Variants in AHCYL2 observed in about 807,000 individuals in gnomAD.
AHCYL2 encodes the protein S-adenosylhomocysteine hydrolase-like protein 2.
A neutral mutation model predicts 81.4 loss-of-function variants in AHCYL2; 28 were observed. The ratio of observed to expected loss-of-function variants is 0.34; its 90% CI spans 0.25 to 0.47. The LOEUF (loss-of-function observed/expected upper bound fraction) is 0.47, where lower values mean the gene tolerates loss of function less well. AHCYL2 is among the 20% of genes least tolerant of loss of function. AHCYL2 has a pLI of 1.00. For missense variants in AHCYL2, 551 were observed against 785.1 expected (o/e 0.70, Z 3.56); for synonymous variants, 272 against 290.2 (o/e 0.94, Z 0.64).
rs557440091 is a variant in AHCYL2 at position 129,231,251 on chromosome 7, A to G, written c.363+5812A>G. On this transcript the variant is annotated intron_variant, in intron 1 of 16. Transcript: ENST00000325006. ...GAGACTCTGTCTCAAAAAAAAGAAA[A>G]AAAAAAGCTGCTTTAGGAGCTGAAG... 1.9e-4 allele frequency among the ~76,000 whole-genome samples: 29 copies of G among 152,226 alleles called. 1 individual carries two copies. The South Asian group carries it at 4.6e-3, about 24-fold the overall frequency.
intron 1 of AHCYL2, among the ~76,000 whole-genome samples, chr7:129,305,289 G>A (rs760638141): frequency 3.9e-5 from 6 of 151,998 alleles, no homozygotes; most frequent in Non-Finnish European, 5.9e-5. Context: ...GTGAAACCCC[G>A]TCTCTACTAA....
intron 1 of AHCYL2, among the ~76,000 whole-genome samples, chr7:129,259,212 T>G (rs1795533630): frequency 6.6e-6 from 1 of 152,170 alleles, no homozygotes; most frequent in Non-Finnish European, 1.5e-5. Flanking sequence ...TTGAGAGATG[T>G]GGTGTGTACC....
chr7:129,408,046 G>A (rs1035388261), intron 10 of AHCYL2, among the ~76,000 whole-genome samples: 1 of 152,148 alleles, frequency 6.6e-6, no homozygotes, highest in Non-Finnish European at 1.5e-5. Context: ...TACATTTGGG[G>A]GAGTGGTACT....
intron 1 of AHCYL2, among the ~76,000 whole-genome samples, chr7:129,290,878 C>T (rs1213211679): frequency 1.4e-5 from 2 of 147,880 alleles, no homozygotes; most frequent in Non-Finnish European, 1.5e-5. Context: ...TGCAGTGAGC[C>T]GAGATCACGC....
At chr7:129,341,426 G>A (rs1222924132) in intron 1 of AHCYL2, among the ~76,000 whole-genome samples, 1 of 152,182 alleles carries the variant, frequency 6.6e-6, no homozygotes, top group Non-Finnish European at 1.5e-5. Context: ...AAGGGTAGAG[G>A]AAAGGTGGAT....
intron 1 of AHCYL2, among the ~76,000 whole-genome samples, chr7:129,278,225 A>G (rs1164619759): frequency 1.3e-5 from 2 of 151,932 alleles, no homozygotes; most frequent in Non-Finnish European, 2.9e-5. Flanking sequence ...CTATTTAAAT[A>G]TTTTGACCAT....
At chr7:129,418,391 T>C (rs7779327) in intron 12 of AHCYL2, among the ~76,000 whole-genome samples, 134,392 of 152,072 alleles carry the variant, frequency 0.88, 59,736 homozygotes, top group East Asian at 0.98. Flanking sequence ...CCTCCGCCTC[T>C]TTGGTTTAAG....
At chr7:129,384,275 AATATATCATATATATGATAAT>A (rs988511272) in intron 2 of AHCYL2, among the ~76,000 whole-genome samples, 4 of 148,990 alleles carry the variant, frequency 2.7e-5, no homozygotes, top group African/African-American at 9.8e-5. Context: ...ATGTTTTGCT[AATATATCATATATATGATAAT>A]ATATATCATA....
chr7:129,306,213 A>G (rs900054525), intron 1 of AHCYL2, among the ~76,000 whole-genome samples: 1 of 152,112 alleles, frequency 6.6e-6, no homozygotes, highest in Non-Finnish European at 1.5e-5. Context: ...TTTAAGGCCA[A>G]TAACTCTTAT....
chr7:129,236,108 A>G (rs925115465), intron 1 of AHCYL2, among the ~76,000 whole-genome samples: 26 of 143,252 alleles, frequency 1.8e-4, no homozygotes, highest in Non-Finnish European at 1.3e-4. Context: ...TGCAACCTCC[A>G]CTTCCTGGGC....
Position 129,406,004 on chromosome 7 carries a change from A to G in AHCYL2, c.1206+105A>G, listed in dbSNP as rs1220874157. ...ATATGAGTACACCCTTTACCACTTT[A>G]GATGAGAAAAAGAATTTCAGAGGCC... On this transcript the variant is annotated intron_variant, in intron 9 of 16. Transcript: ENST00000325006. This position sits in a 1 kb window ranked among gnomAD's most constrained non-coding sequence, Gnocchi z 4.3. The G allele has an allele frequency of 2.8e-6, 3 of 1,065,184 alleles. No individual in the cohort carries two copies. Among genetic ancestry groups the G allele is most frequent in the Non-Finnish European group, 4.1e-6 (3 of 731,674 alleles). 66.0% of individuals were successfully genotyped at this position (1,065,184 alleles called of 1,614,324 possible). A position where few individuals can be genotyped will look rare whatever the true frequency, so the allele number is the denominator to read the frequency against.
intron 1 of AHCYL2, among the ~76,000 whole-genome samples, chr7:129,267,583 G>A (rs1012835769): frequency 1.3e-5 from 2 of 152,140 alleles, no homozygotes; most frequent in African/African-American, 2.4e-5. Context: ...GGGATTAGAA[G>A]CATGAGCCAC....
In AHCYL2 at chr7:129,405,821, T is replaced by G. The variant is rs1464928283; in HGVS notation, c.1143-15T>G. On this transcript the variant is annotated splice_polypyrimidine_tract_variant and intron_variant, in intron 8 of 16. Coordinates refer to ENST00000325006, the MANE Select transcript of AHCYL2 (RefSeq NM_015328.4). ...AGAGAAGATTTTTCTGATTTAATGT[T>G]TTTTTTTCCCCTAGACTTAAAAGGA... is the stretch of plus-strand genomic sequence containing the variant. The G allele has an allele frequency of 1.4e-5, 22 of 1,598,128 alleles. 1 individual carries two copies. The South Asian group carries it at 1.7e-4, about 13-fold the overall frequency.
At chr7:129,327,650 G>T (rs1420115689) in intron 1 of AHCYL2, among the ~76,000 whole-genome samples, 1 of 152,030 alleles carries the variant, frequency 6.6e-6, no homozygotes, top group Non-Finnish European at 1.5e-5. Flanking sequence ...ATTTTTTGTA[G>T]AGACGAGGTT....
At chr7:129,374,234 T>C (rs1213324522) in intron 1 of AHCYL2, among the ~76,000 whole-genome samples, 1 of 152,194 alleles carries the variant, frequency 6.6e-6, no homozygotes, top group East Asian at 1.9e-4. Context: ...AGATGGAGCT[T>C]TGGCTCTAGC....
At position 129,368,528 on chromosome 7, in the gene AHCYL2, G is replaced by C. The variant is rs773515014; in HGVS notation, c.364-11110G>C. 1.4e-5 allele frequency: 22 copies of C among 1,613,892 alleles called. No homozygotes were observed. Among genetic ancestry groups the C allele is most frequent in the Middle Eastern group, 3.3e-4 (2 of 6,084 alleles). On this transcript the variant is annotated intron_variant, in intron 1 of 16. Coordinates refer to ENST00000325006, the MANE Select transcript of AHCYL2 (RefSeq NM_015328.4). The surrounding 1 kb of genome is among the most constrained non-coding windows in gnomAD (Gnocchi z 4.4). ...GTGGGACGGTAATGAGGGCACCTCA[G>C]CTTTTCACATGCCTGAGTGGATGGT...
intron 1 of AHCYL2, among the ~76,000 whole-genome samples, chr7:129,240,741 C>T (rs1004630377): frequency 2.0e-4 from 31 of 151,858 alleles, no homozygotes; most frequent in African/African-American, 7.3e-4. Context: ...CCTTGGTGCT[C>T]CCTGAGTCAT....
intron 1 of AHCYL2, among the ~76,000 whole-genome samples, chr7:129,287,218 A>T (rs2150746466): frequency 6.6e-6 from 1 of 152,314 alleles, no homozygotes; most frequent in African/African-American, 2.4e-5. Context: ...AAGAACAAAT[A>T]TAATCTTAGG....
Position 129,427,175 on chromosome 7 carries a change from G to C in AHCYL2, c.*130G>C. 3.2e-6 allele frequency: 3 copies of C among 937,720 alleles called. No individual in the cohort carries two copies. The highest frequency in any genetic ancestry group is 4.9e-6 in the Non-Finnish European group (3 of 617,014). The allele number at this position is 937,720 out of a possible 1,614,324, so 58.1% of individuals were successfully genotyped here. ...CCTGCCGTGCTCACCCTGTGTGTTA[G>C]GTTATTTATTTATTAAAATCAAGAA... On this transcript the variant is annotated 3_prime_UTR_variant, in exon 17 of 17. Transcript: ENST00000325006. This position sits in a 1 kb window ranked among gnomAD's most constrained non-coding sequence, Gnocchi z 5.5.
Sources: gnomAD v4.1 joint callset for allele counts (sites outside exome capture counted in the v4.1 genomes callset) on GRCh38, gnomAD v4.1.1 for gene constraint, Gnocchi (gnomAD v3.1) non-coding constraint, MANE v1.5 for transcripts, NCBI Gene and HGNC (gene_info 2026-07-23, HGNC 2026-07-21) for gene names.